Variants in CNKSR2 observed in about 807,000 individuals in gnomAD.
The protein encoded by CNKSR2 is CNK homolog protein 2.
CNKSR2 carries 14 observed loss-of-function variants against 84.4 expected under a neutral mutation model. The ratio of observed to expected loss-of-function variants is 0.17; its 90% CI spans 0.11 to 0.26. The LOEUF is 0.26. Ranked by LOEUF, CNKSR2 falls within the 10% of genes least tolerant of loss-of-function variation. The pLI is 1.00. For synonymous variants in CNKSR2, 275 were observed against 277.9 expected, an observed-to-expected ratio of 0.99 and a Z score of 0.10; for missense variants, 485 against 771.2, an observed-to-expected ratio of 0.63 and a Z score of 4.40.
intron 8 of CNKSR2, chrX:21,504,115 C>G (rs1601873721): frequency 9.0e-6 from 1 of 110,986 alleles, no homozygotes; most frequent in Non-Finnish European, 1.9e-5. Context: ...CTAAATGTAG[C>G]CTACTCTGCC....
intron 9 of CNKSR2, among the ~76,000 whole-genome samples, chrX:21,518,691 C>T (rs2091753279): frequency 9.0e-6 from 1 of 111,616 alleles, no homozygotes; most frequent in Non-Finnish European, 1.9e-5. Flanking sequence ...CCTGTAAGTG[C>T]CTTACTCTTC....
chrX:21,637,415 G>A (rs1161276981), intron 20 of CNKSR2: 2 of 111,657 alleles, frequency 1.8e-5, no homozygotes, highest in Non-Finnish European at 3.8e-5. Flanking sequence ...CATAAGTGCT[G>A]TAAGTATAAA....
intron 5 of CNKSR2, among the ~76,000 whole-genome samples, chrX:21,475,294 A>C (rs1233062657): frequency 8.9e-6 from 1 of 111,896 alleles, no homozygotes; most frequent in Non-Finnish European, 1.9e-5. Flanking sequence ...CCAAATATCT[A>C]ATGTACTCCA....
At chrX:21,447,231 A>G (rs2090867569) in intron 4 of CNKSR2, among the ~76,000 whole-genome samples, 1 of 111,389 alleles carries the variant, frequency 9.0e-6, no homozygotes. Context: ...ATACCCCAAT[A>G]TGATTATCCA....
At chrX:21,462,845 C>A (rs1394243992) in intron 4 of CNKSR2, among the ~76,000 whole-genome samples, 2 of 108,818 alleles carry the variant, frequency 1.8e-5, no homozygotes, top group African/African-American at 6.7e-5. Context: ...TCCCAAGTAG[C>A]TGGGACTACA....
At chrX:21,543,619 A>G (rs1310149889) in intron 11 of CNKSR2, among the ~76,000 whole-genome samples, 1 of 111,917 alleles carries the variant, frequency 8.9e-6, no homozygotes, top group Non-Finnish European at 1.9e-5. Context: ...AGCATGAATT[A>G]TGAGGTCAAA....
In CNKSR2 at chrX:21,426,627, G is replaced by A. The variant is rs779203031; in HGVS notation, c.195G>A (p.Leu65=). 1 of 1,205,984 alleles carries A rather than the reference G, an allele frequency of 8.3e-7. No homozygotes were observed. The highest frequency in any genetic ancestry group is 1.1e-6 in the Non-Finnish European group (1 of 893,575). ...TCAGCCGCATTGGCCATCAGGAACT[G>A]ATCTTGGAAGCAGTTGACCTTCTGT... is the stretch of plus-strand genomic sequence containing the variant. ...LGVSRIGHQE[L]ILEAVDLLCA... is the part of the protein sequence containing the mutation. Residue 65 remains leucine (L), a synonymous_variant, in exon 2 of 22, where the codon CTG becomes CTA. Coordinates refer to ENST00000379510, the MANE Select transcript of CNKSR2 (RefSeq NM_014927.5).
chrX:21,395,531 C>T (rs1010810505), intron 1 of CNKSR2, among the ~76,000 whole-genome samples: 9 of 109,419 alleles, frequency 8.2e-5, no homozygotes, highest in African/African-American at 1.3e-4. Flanking sequence ...CATAAGTCTT[C>T]GAGTAAATGA....
intron 1 of CNKSR2, among the ~76,000 whole-genome samples, chrX:21,409,107 T>C (rs2090303669): frequency 2.8e-5 from 3 of 106,453 alleles, no homozygotes; most frequent in East Asian, 5.9e-4. Flanking sequence ...CTTTTAAATG[T>C]AAGAATGGAA....
At chrX:21,466,589 C>T (rs915700295) in intron 4 of CNKSR2, among the ~76,000 whole-genome samples, 3 of 110,412 alleles carry the variant, frequency 2.7e-5, no homozygotes, top group Non-Finnish European at 5.7e-5. Context: ...TTTTGTTGTT[C>T]TTTTTTTTGT....
Position 21,470,814 on chromosome X carries a change from A to T in CNKSR2, c.561+7A>T. 1.0e-6 allele frequency: 1 copy of T among 978,597 alleles called. No individual in the cohort carries two copies. Among genetic ancestry groups the T allele is most frequent in the African/African-American group, 1.9e-5 (1 of 52,082 alleles). 80.6% of individuals were successfully genotyped at this position (978,597 alleles called of 1,213,427 possible). A position where few individuals can be genotyped will look rare whatever the true frequency, so the allele number is the denominator to read the frequency against. On this transcript the variant is annotated splice_region_variant and intron_variant, in intron 5 of 21. Transcript: ENST00000379510. The stretch of plus-strand genomic sequence containing the variant: ...GAATAAAATTCTTCACGTGGTGAGT[A>T]TACTTGGATTTATTTTAATCTTTAT...
At chrX:21,581,720 A>G (rs767204314) in intron 13 of CNKSR2, among the ~76,000 whole-genome samples, 64 of 112,274 alleles carry the variant, frequency 5.7e-4, no homozygotes, top group Non-Finnish European at 1.0e-3. Flanking sequence ...GGTGGTGAGT[A>G]ACTATTCAAT....
intron 1 of CNKSR2, among the ~76,000 whole-genome samples, chrX:21,396,606 A>G (rs931121184): frequency 9.0e-6 from 1 of 111,712 alleles, no homozygotes; most frequent in African/African-American, 3.2e-5. Flanking sequence ...CATTTAAAAC[A>G]GTTTGTAACA....
intron 20 of CNKSR2, chrX:21,637,389 G>A (rs1299212883): frequency 2.7e-5 from 3 of 111,353 alleles, no homozygotes; most frequent in African/African-American, 6.5e-5. Context: ...ACCCGGAATT[G>A]TGAATTAAAG....
At chrX:21,550,729 A>G (rs912453568) in intron 11 of CNKSR2, among the ~76,000 whole-genome samples, 1 of 111,899 alleles carries the variant, frequency 8.9e-6, no homozygotes, top group Non-Finnish European at 1.9e-5. Context: ...ATGGAATACT[A>G]TGCAACCATA....
At chrX:21,550,582 A>T (rs1444335167) in intron 11 of CNKSR2, among the ~76,000 whole-genome samples, 2 of 112,317 alleles carry the variant, frequency 1.8e-5, no homozygotes, top group Non-Finnish European at 3.8e-5. Context: ...TACCCAAAGG[A>T]TAATAAATCA....
intron 3 of CNKSR2, among the ~76,000 whole-genome samples, chrX:21,435,613 A>T (rs1569166759): frequency 9.0e-6 from 1 of 111,467 alleles, no homozygotes; most frequent in Non-Finnish European, 1.9e-5. Flanking sequence ...TTTACTGTTT[A>T]TTTTCAATGC....
At chrX:21,589,563 T>C (rs893603775) in intron 13 of CNKSR2, among the ~76,000 whole-genome samples, 2 of 112,272 alleles carry the variant, frequency 1.8e-5, no homozygotes, top group African/African-American at 6.5e-5. Flanking sequence ...TAATGAATCT[T>C]ATTATACCAG....
chrX:21,552,568 G>T (rs985080128), intron 11 of CNKSR2, among the ~76,000 whole-genome samples: 5 of 112,069 alleles, frequency 4.5e-5, no homozygotes, highest in Non-Finnish European at 9.4e-5. Context: ...CTGACTTACA[G>T]ATAAGCATAT....
Sources: allele counts gnomAD v4.1 joint callset (sites outside exome capture counted in the v4.1 genomes callset), GRCh38; gene constraint gnomAD v4.1.1; transcripts MANE v1.5; gene names NCBI Gene and HGNC (gene_info 2026-07-23, HGNC 2026-07-21).